The following CEMIP variants were observed in gnomAD, a reference collection of about 807,000 sequenced individuals.
The protein encoded by CEMIP is cell migration inducing hyaluronidase 1.
CEMIP carries 105 observed loss-of-function variants against 156.9 expected under a neutral mutation model. The observed-to-expected ratio is 0.67, with a 90% CI of 0.57 to 0.79. CEMIP has a LOEUF of 0.79. Ranked by LOEUF, CEMIP falls within the 30% of genes least tolerant of loss-of-function variation. CEMIP has a pLI of 0.00. For missense variants in CEMIP, 1,457 were observed against 1,769.4 expected, an observed-to-expected ratio of 0.82 and a Z score of 3.17; for synonymous variants, 676 against 668.4, an observed-to-expected ratio of 1.01 and a Z score of -0.17.
chr15:80,923,315 C>A (rs994709338), intron 17 of CEMIP, among the ~76,000 whole-genome samples: 3 of 152,036 alleles, frequency 2.0e-5, no homozygotes, highest in Admixed American at 6.5e-5. Context: ...CTGACATGGC[C>A]CTCAGAGAGC....
chr15:80,913,625 T>A (rs577675464), intron 14 of CEMIP, among the ~76,000 whole-genome samples: 2 of 152,202 alleles, frequency 1.3e-5, no homozygotes, highest in Non-Finnish European at 2.9e-5. Flanking sequence ...TTAAACCAGA[T>A]AATGTATGTG....
rs1302292582 is a variant in CEMIP, at chr15:80,888,617, T to C, written c.869-84T>C. The stretch of plus-strand genomic sequence containing the variant: ...AGAAATGAGTCAATGCCCATGTGCG[T>C]AGGGGGGTTTCCTTGCCTTGGAGTC... On this transcript the variant is annotated intron_variant, in intron 8 of 29. Coordinates refer to ENST00000394685, the MANE Select transcript of CEMIP (RefSeq NM_001293298.2). 4 of 1,031,356 alleles carry C rather than the reference T, an allele frequency of 3.9e-6. No homozygotes were observed. In the Admixed American group the frequency reaches 6.8e-5, roughly 17 times the overall value. 63.9% of individuals were successfully genotyped at this position (1,031,356 alleles called of 1,614,324 possible). A position where few individuals can be genotyped will look rare whatever the true frequency, so the allele number is the denominator to read the frequency against.
At chr15:80,831,147 G>C (rs1897147731) in intron 1 of CEMIP, among the ~76,000 whole-genome samples, 2 of 152,154 alleles carry the variant, frequency 1.3e-5, no homozygotes, top group Admixed American at 1.3e-4. Context: ...GTGACCTCAG[G>C]AGACTGATAG....
intron 3 of CEMIP, among the ~76,000 whole-genome samples, chr15:80,878,229 G>T (rs1323980932): frequency 6.6e-6 from 1 of 152,212 alleles, no homozygotes; most frequent in Non-Finnish European, 1.5e-5. Flanking sequence ...AAACAATGTT[G>T]CTACGTAACA....
At chr15:80,899,081 C>T (rs182314417) in intron 12 of CEMIP, among the ~76,000 whole-genome samples, 20 of 152,090 alleles carry the variant, frequency 1.3e-4, no homozygotes, top group East Asian at 9.7e-4. Flanking sequence ...GGTGTAGTGG[C>T]GCGTGCCTGT....
rs373204564 is a variant in CEMIP at position 80,887,686 on chromosome 15, T to C, written c.798-8T>C. The C allele has an allele frequency of 2.2e-5, 35 of 1,609,244 alleles. No individual in the cohort carries two copies. In the African/African-American group the frequency reaches 4.4e-4, roughly 20 times the overall value. On this transcript the variant is annotated splice_polypyrimidine_tract_variant and splice_region_variant and intron_variant, in intron 7 of 29. Transcript: ENST00000394685. ...CTTTACTTTTTGTTATGTTTTTCTT[T>C]TTTTCAGACACCCTTGGAGTTTTCT...
chr15:80,921,253 A>G (rs1900459894), intron 16 of CEMIP, 152 bp downstream of exon 16: 1 of 750,252 alleles, frequency 1.3e-6, no homozygotes, highest in Admixed American at 2.0e-5. Flanking sequence ...GGAAAACGAC[A>G]GACTGGGGGT....
rs778613319 is a variant in CEMIP, at chr15:80,878,876, A to G, written c.241+9A>G. The G allele has an allele frequency of 5.0e-6, 8 of 1,614,110 alleles. No homozygotes were observed. The East Asian group carries it at 1.6e-4, about 31-fold the overall frequency. On this transcript the variant is annotated intron_variant, in intron 4 of 29. Transcript: ENST00000394685. ...CCACATCTCAGAGGGAGGTAAGCCAATCTCTCTCTGCTGCTCCCTCTTCCC... is the reference window on the plus strand; with the variant it reads ...CCACATCTCAGAGGGAGGTAAGCCAGTCTCTCTCTGCTGCTCCCTCTTCCC...
chr15:80,816,097 A>G (rs183743977), intron 1 of CEMIP, among the ~76,000 whole-genome samples: 1 of 152,238 alleles, frequency 6.6e-6, no homozygotes, highest in Non-Finnish European at 1.5e-5. Flanking sequence ...GTGAAAAGTC[A>G]GCGCTATTTT....
At chr15:80,799,774 G>A (rs1449716704) in intron 1 of CEMIP, among the ~76,000 whole-genome samples, 2 of 152,118 alleles carry the variant, frequency 1.3e-5, no homozygotes, top group African/African-American at 4.8e-5. Context: ...GCAGCAACAT[G>A]GTAGTATAAC....
chr15:80,909,228 A>C lies in CEMIP; in HGVS notation c.1719A>C (p.Pro573=). The C allele has an allele frequency of 6.2e-7, 1 of 1,613,940 alleles. No homozygotes were observed. Among genetic ancestry groups the C allele is most frequent in the Non-Finnish European group, 8.5e-7 (1 of 1,179,994 alleles). Residue 573 remains proline, a synonymous_variant, in exon 14 of 30, where the codon CCA becomes CCC. Coordinates refer to ENST00000394685, the MANE Select transcript of CEMIP (RefSeq NM_001293298.2). ...GDVDERGGYD[P]PTYIRDLSIH... ...TAGACGAAAGGGGAGGTTATGACCC[A>C]CCCACATACATCAGGGACCTCTCCA...
chr15:80,855,241 T>G (rs1455374534), intron 1 of CEMIP, among the ~76,000 whole-genome samples: 1 of 152,120 alleles, frequency 6.6e-6, no homozygotes, highest in African/African-American at 2.4e-5. Context: ...CAACATATAG[T>G]AACATTTATG....
chr15:80,830,622 T>G (rs915961681), intron 1 of CEMIP, among the ~76,000 whole-genome samples: 1 of 152,068 alleles, frequency 6.6e-6, no homozygotes, highest in Non-Finnish European at 1.5e-5. Context: ...TGTGTTTTTG[T>G]TTTTTTTAAG....
At chr15:80,831,295 G>C (rs540182046) in intron 1 of CEMIP, among the ~76,000 whole-genome samples, 1 of 152,184 alleles carries the variant, frequency 6.6e-6, no homozygotes, top group Non-Finnish European at 1.5e-5. Context: ...GAGAGGCTCA[G>C]AGAAAGCATG....
At chr15:80,916,382 G>A (rs866971897) in intron 14 of CEMIP, among the ~76,000 whole-genome samples, 1 of 152,204 alleles carries the variant, frequency 6.6e-6, no homozygotes, top group African/African-American at 2.4e-5. Flanking sequence ...TTAAAACAGT[G>A]TTCAGGAATT....
rs1012472593 is a variant in CEMIP at position 80,931,745 on chromosome 15, G to T, written c.2613-114G>T. ...GAATGGTTTTACCCAGGAAGTCTCTGCTACCATCCACCTCAGAAGGGGCAA... is the reference window on the plus strand; with the variant it reads ...GAATGGTTTTACCCAGGAAGTCTCTTCTACCATCCACCTCAGAAGGGGCAA... On this transcript the variant is annotated intron_variant, in intron 21 of 29. Transcript: ENST00000394685. 133 of 1,023,904 alleles carry T rather than the reference G, an allele frequency of 1.3e-4. No individual in the cohort carries two copies. The African/African-American group carries it at 1.9e-3, about 15-fold the overall frequency. 63.4% of individuals were successfully genotyped at this position (1,023,904 alleles called of 1,614,324 possible). A position where few individuals can be genotyped will look rare whatever the true frequency, so the allele number is the denominator to read the frequency against.
intron 1 of CEMIP, among the ~76,000 whole-genome samples, chr15:80,798,045 A>T (rs527294294): frequency 6.6e-6 from 1 of 152,324 alleles, no homozygotes; most frequent in East Asian, 1.9e-4. Context: ...ATTACTTTTT[A>T]AAAAAGAATG....
intron 8 of CEMIP, 29 bp from the exon 9 acceptor site, chr15:80,888,672 G>T (rs781706148): frequency 1.2e-6 from 2 of 1,606,080 alleles, no homozygotes; most frequent in East Asian, 2.2e-5. Context: ...GGTCTGTCCA[G>T]CTCCTAAAGG....
chr15:80,923,334 T>C (rs1412784895), intron 17 of CEMIP, among the ~76,000 whole-genome samples: 1 of 152,054 alleles, frequency 6.6e-6, no homozygotes, highest in Non-Finnish European at 1.5e-5. Flanking sequence ...GCAATCTCCA[T>C]ACAGAGGGAG....
Sources: allele counts gnomAD v4.1 joint callset (sites outside exome capture counted in the v4.1 genomes callset), GRCh38; gene constraint gnomAD v4.1.1; transcripts MANE v1.5; gene names NCBI Gene and HGNC (gene_info 2026-07-23, HGNC 2026-07-21).